Variants in HIRA observed in about 807,000 individuals in gnomAD.
The protein encoded by HIRA is protein HIRA.
In HIRA, 13 loss-of-function variants were observed where a neutral mutation model predicts 126.6. The ratio of observed to expected loss-of-function variants is 0.10; its 90% CI spans 0.07 to 0.16. The LOEUF (loss-of-function observed/expected upper bound fraction) is 0.16. Ranked by LOEUF, HIRA falls within the 10% of genes least tolerant of loss-of-function variation. HIRA has a pLI of 1.00. For missense variants in HIRA, 834 were observed against 1,314.4 expected, an observed-to-expected ratio of 0.63 and a Z score of 5.65; for synonymous variants, 511 against 520.0, an observed-to-expected ratio of 0.98 and a Z score of 0.24.
At position 19,331,152 on chromosome 22, in the gene HIRA, G is replaced by A; in HGVS notation, c.*288C>T. 7.4e-7 allele frequency: 1 copy of A among 1,352,336 alleles called. No homozygotes were observed. Among genetic ancestry groups the A allele is most frequent in the Non-Finnish European group, 9.7e-7 (1 of 1,028,902 alleles). The allele number at this position is 1,352,336 out of a possible 1,614,324, so 83.8% of individuals were successfully genotyped here. A position where few individuals can be genotyped will look rare whatever the true frequency, so the allele number is the denominator to read the frequency against. Reference sequence around the variant, plus strand: ...CCTTGGGGCCGTGCTGGAGACGGCAGGCCTGGGACTGCCTTGCTGGCCCCA... The same window carrying A: ...CCTTGGGGCCGTGCTGGAGACGGCAAGCCTGGGACTGCCTTGCTGGCCCCA... On this transcript the variant is annotated 3_prime_UTR_variant, in exon 25 of 25. Coordinates refer to ENST00000263208, the MANE Select transcript of HIRA (RefSeq NM_003325.4).
At chr22:19,348,921 G>C (rs187916348) in intron 24 of HIRA, among the ~76,000 whole-genome samples, 1 of 151,780 alleles carries the variant, frequency 6.6e-6, no homozygotes, top group Non-Finnish European at 1.5e-5. Flanking sequence ...GAGTAGCTGG[G>C]ATTACAGGCA....
chr22:19,410,388 G>C (rs189217226), intron 2 of HIRA, among the ~76,000 whole-genome samples: 177 of 152,294 alleles, frequency 1.2e-3, no homozygotes, highest in Middle Eastern at 6.8e-3. Context: ...CAGAGCCCTT[G>C]TCTCTGGGGC....
intron 2 of HIRA, 111 bp downstream of exon 2, chr22:19,410,605 G>T: frequency 1.3e-6 from 1 of 767,126 alleles, no homozygotes; most frequent in Admixed American, 2.2e-5. Context: ...AAACAGCGTT[G>T]CATCCATCCT....
At chr22:19,424,952 C>T (rs138764599) in intron 1 of HIRA, among the ~76,000 whole-genome samples, 74 of 152,266 alleles carry the variant, frequency 4.9e-4, no homozygotes, top group East Asian at 3.9e-3. Context: ...GGCTTTTACA[C>T]GCAGACCTAG....
At chr22:19,372,355 T>C (rs1238024865) in intron 15 of HIRA, among the ~76,000 whole-genome samples, 1 of 152,252 alleles carries the variant, frequency 6.6e-6, no homozygotes, top group African/African-American at 2.4e-5. Flanking sequence ...ATTGAATTTT[T>C]ATGTACCTGT....
intron 2 of HIRA, among the ~76,000 whole-genome samples, chr22:19,410,409 C>T (rs1462441837): frequency 1.3e-5 from 2 of 152,154 alleles, no homozygotes; most frequent in Non-Finnish European, 2.9e-5. Context: ...TGGGCTTTGC[C>T]CACTGGACCA....
rs185979310 is a variant in HIRA at position 19,418,643 on chromosome 22, A to G, written c.38-7865T>C. 4.1e-3 allele frequency among the ~76,000 whole-genome samples: 618 copies of G among 152,196 alleles called. 3 individuals carry two copies. The highest frequency in any genetic ancestry group is 0.02 in the Middle Eastern group (6 of 294). Reference sequence around the variant, plus strand: ...ACTCTGTCTCAAAAAAATAAAAATAAAAAATATATAAAAATTGTTGGAACT... The same window carrying G: ...ACTCTGTCTCAAAAAAATAAAAATAGAAAATATATAAAAATTGTTGGAACT... On this transcript the variant is annotated intron_variant, in intron 1 of 24. Transcript: ENST00000263208.
intron 5 of HIRA, among the ~76,000 whole-genome samples, chr22:19,399,428 C>G (rs1428969655): frequency 6.6e-6 from 1 of 150,754 alleles, no homozygotes; most frequent in Non-Finnish European, 1.5e-5. Context: ...GTGATCTTCA[C>G]AGCTTCTTTC....
intron 1 of HIRA, among the ~76,000 whole-genome samples, chr22:19,422,714 A>T (rs757752043): frequency 1.3e-5 from 2 of 152,160 alleles, no homozygotes; most frequent in Non-Finnish European, 2.9e-5. Context: ...TGAGGCCTGC[A>T]GCGAATGCTG....
chr22:19,379,145 A>G (rs2089046630), intron 13 of HIRA, among the ~76,000 whole-genome samples: 1 of 151,048 alleles, frequency 6.6e-6, no homozygotes, highest in African/African-American at 2.4e-5. Flanking sequence ...CTCCTGCCTC[A>G]GCCTCCCGAG....
At chr22:19,365,721 A>C (rs919142010) in intron 15 of HIRA, 1 of 152,252 alleles carries the variant, frequency 6.6e-6, no homozygotes, top group Non-Finnish European at 1.5e-5. Flanking sequence ...ATGAACAAGG[A>C]GCATTTTCAT....
rs758585296 is a variant in HIRA, at chr22:19,379,841, G to A, written c.1416-1775C>T. On this transcript the variant is annotated intron_variant, in intron 13 of 24. Transcript: ENST00000263208. ...GCCTTTTTTTTTGAGACGAAGTCTC[G>A]CTGTGTCGCCAGGCTGGAGTGCAGT... 1.2e-4 allele frequency among the ~76,000 whole-genome samples: 18 copies of A among 151,606 alleles called. No homozygotes were observed. The East Asian group carries it at 1.6e-3, about 13-fold the overall frequency.
chr22:19,425,988 C>G (rs1391810979), intron 1 of HIRA, among the ~76,000 whole-genome samples: 2 of 152,020 alleles, frequency 1.3e-5, no homozygotes, highest in Non-Finnish European at 2.9e-5. Context: ...TCCAGCCTGG[C>G]CTGGGTAACA....
chr22:19,359,293 T>C (rs1242618552), intron 18 of HIRA, 43 bp downstream of exon 18: 3 of 1,502,720 alleles, frequency 2.0e-6, no homozygotes, highest in African/African-American at 1.4e-5. Context: ...ATGGCATGTG[T>C]GCCTGTGTCA....
At chr22:19,353,954 G>A (rs1601811674) in intron 22 of HIRA, 42 bp downstream of exon 22, 3 of 1,605,508 alleles carry the variant, frequency 1.9e-6, no homozygotes, top group East Asian at 2.2e-5. Context: ...ACTTCCCCAG[G>A]GCAGGACTAA....
intron 19 of HIRA, among the ~76,000 whole-genome samples, chr22:19,356,616 T>C (rs2088814793): frequency 6.6e-6 from 1 of 152,206 alleles, no homozygotes; most frequent in Non-Finnish European, 1.5e-5. Context: ...GAATCTTGCA[T>C]AGGACCCTGG....
intron 9 of HIRA, among the ~76,000 whole-genome samples, chr22:19,389,638 T>A (rs959628615): frequency 6.6e-6 from 1 of 152,152 alleles, no homozygotes; most frequent in African/African-American, 2.4e-5. Flanking sequence ...GCCTTGTCCC[T>A]CCTCTCATAA....
chr22:19,357,175 C>A (rs2088820900), intron 18 of HIRA, 124 bp from the exon 19 acceptor site: 7 of 1,117,524 alleles, frequency 6.3e-6, no homozygotes, highest in Non-Finnish European at 7.9e-6. Context: ...GCAGGTACAG[C>A]CAGAAGGGAA....
chr22:19,359,024 T>G (rs937805897), intron 18 of HIRA, among the ~76,000 whole-genome samples: 1 of 152,034 alleles, frequency 6.6e-6, no homozygotes, highest in African/African-American at 2.4e-5. Context: ...CACACCTCAG[T>G]GTGGAATTCG....
Sources: gnomAD v4.1 joint callset for allele counts (sites outside exome capture counted in the v4.1 genomes callset) on GRCh38, gnomAD v4.1.1 for gene constraint, MANE v1.5 for transcripts, NCBI Gene and HGNC (gene_info 2026-07-23, HGNC 2026-07-21) for gene names.